Variants in DYNC2H1 observed in about 807,000 individuals in gnomAD.
DYNC2H1 encodes the protein cytoplasmic dynein 2 heavy chain 1.
DYNC2H1 carries 410 observed loss-of-function variants against 570.0 expected under a neutral mutation model. That is an observed-to-expected ratio of 0.72 (90% CI 0.66 to 0.78). DYNC2H1 has a LOEUF of 0.78. DYNC2H1 is among the 30% of genes least tolerant of loss of function. The probability of loss-of-function intolerance (pLI) is 0.00; values close to 1 mark genes in which losing one functional copy is unlikely to be tolerated. For synonymous variants in DYNC2H1, 1,688 were observed against 1,677.6 expected, an observed-to-expected ratio of 1.01 and a Z score of -0.15; for missense variants, 4,865 against 5,046.4, an observed-to-expected ratio of 0.96 and a Z score of 1.09.
chr11:103,287,102 A>G (rs1269491427), intron 74 of DYNC2H1, among the ~76,000 whole-genome samples: 1 of 152,158 alleles, frequency 6.6e-6, no homozygotes, highest in Non-Finnish European at 1.5e-5. Flanking sequence ...TGATTGCACC[A>G]CTGCACTCCA....
rs1938361202 is a variant in DYNC2H1, at chr11:103,324,311, C to T, written c.12039+321C>T. 6.6e-6 allele frequency among the ~76,000 whole-genome samples: 1 copy of T among 151,884 alleles called. No homozygotes were observed. Among genetic ancestry groups the T allele is most frequent in the Admixed American group, 6.6e-5 (1 of 15,232 alleles). ...GTGCCCAACAGGTAATTTTTCGATC[C>T]TCCCTCTCCTCTCACCCTCCACCCT... On this transcript the variant is annotated intron_variant, in intron 82 of 88. Transcript: ENST00000375735. This position sits in a 1 kb window ranked among gnomAD's most constrained non-coding sequence, Gnocchi z 5.2.
intron 32 of DYNC2H1, 122 bp from the exon 33 acceptor site, chr11:103,169,986 T>G (rs1861503154): frequency 2.2e-6 from 2 of 906,842 alleles, no homozygotes; most frequent in Non-Finnish European, 3.1e-6. Flanking sequence ...TATTTTTCTG[T>G]GTTAAAAACT....
intron 28 of DYNC2H1, among the ~76,000 whole-genome samples, chr11:103,160,575 G>A (rs1347307570): frequency 6.6e-6 from 1 of 151,998 alleles, no homozygotes; most frequent in Non-Finnish European, 1.5e-5. Flanking sequence ...TTGGTACGTA[G>A]TAGTTGATTA....
intron 18 of DYNC2H1, 72 bp from the exon 19 acceptor site, chr11:103,147,700 T>C (rs1591315656): frequency 2.3e-6 from 2 of 860,730 alleles, no homozygotes; most frequent in East Asian, 5.2e-5. Flanking sequence ...GAAATCATTA[T>C]AATATTATAT....
At chr11:103,364,615 A>G (rs1209268942) in intron 83 of DYNC2H1, among the ~76,000 whole-genome samples, 1 of 131,552 alleles carries the variant, frequency 7.6e-6, no homozygotes, top group Non-Finnish European at 1.6e-5. Context: ...TTTTTTTTTT[A>G]AGCAGGTAGT....
intron 50 of DYNC2H1, among the ~76,000 whole-genome samples, chr11:103,200,394 T>G (rs568349650): frequency 1.6e-4 from 24 of 152,262 alleles, no homozygotes; most frequent in African/African-American, 4.8e-4. Context: ...TCAGAAAAAT[T>G]GACTTTTACA....
Position 103,412,318 on chromosome 11 carries a change from T to C in DYNC2H1, c.12366+12446T>C, listed in dbSNP as rs1943120502. ...TAATGACTTTTATTTCTTTGATAAC[T>C]TATGATGATCTGCTAAAACTTTTTT... On this transcript the variant is annotated intron_variant, in intron 84 of 88. Transcript: ENST00000375735. Among the ~76,000 whole-genome samples the C allele has an allele frequency of 1.3e-5, 2 of 152,132 alleles. 1 individual carries two copies. The highest frequency in any genetic ancestry group is 4.1e-4 in the South Asian group (2 of 4,836).
rs374445890 is a variant in DYNC2H1, at chr11:103,438,406, G to A, written c.12456+2374G>A. The stretch of plus-strand genomic sequence containing the variant: ...GTAACTACCTATTTGGAAAACAAAG[G>A]ATGGGAAACTGGGTGGGCAGGGAAA... On this transcript the variant is annotated intron_variant, in intron 85 of 88. Coordinates refer to ENST00000375735, the MANE Select transcript of DYNC2H1 (RefSeq NM_001377.3). 1.1e-4 allele frequency among the ~76,000 whole-genome samples: 17 copies of A among 152,176 alleles called. No individual in the cohort carries two copies. The South Asian group carries it at 3.5e-3, about 32-fold the overall frequency.
At position 103,291,296 on chromosome 11, in the gene DYNC2H1, G is replaced by A. The variant is rs888340905; in HGVS notation, c.11095+3691G>A. 3.3e-5 allele frequency among the ~76,000 whole-genome samples: 5 copies of A among 152,116 alleles called. No individual in the cohort carries two copies. The Middle Eastern group carries it at 0.01, about 310-fold the overall frequency. ...CTACTAAAAATACAAAAATTATCTG[G>A]GTGTGGTGGCAGGCACCTGTAATCC... is the stretch of plus-strand genomic sequence containing the variant. On this transcript the variant is annotated intron_variant, in intron 75 of 88. Transcript: ENST00000375735.
intron 65 of DYNC2H1, among the ~76,000 whole-genome samples, chr11:103,251,857 T>C (rs111872781): frequency 0.027 from 4,178 of 152,298 alleles, 87 homozygotes; most frequent in Non-Finnish European, 0.048. Flanking sequence ...TACTTTTTTA[T>C]GACCGAACAT....
chr11:103,220,408 T>G (rs906725950), intron 56 of DYNC2H1, among the ~76,000 whole-genome samples: 2 of 152,152 alleles, frequency 1.3e-5, no homozygotes, highest in Admixed American at 6.5e-5. Context: ...TTTTCCAAAT[T>G]AGGTTATTGC....
intron 84 of DYNC2H1, among the ~76,000 whole-genome samples, chr11:103,413,732 G>A (rs766997077): frequency 5.3e-5 from 8 of 152,060 alleles, no homozygotes; most frequent in Non-Finnish European, 7.4e-5. Flanking sequence ...GCTTTACTTA[G>A]CAACATTTTA....
At chr11:103,194,369 G>A (rs1045303826) in intron 47 of DYNC2H1, among the ~76,000 whole-genome samples, 1 of 152,104 alleles carries the variant, frequency 6.6e-6, no homozygotes, top group African/African-American at 2.4e-5. Flanking sequence ...GAATGAAGCT[G>A]CTATGAATAC....
intron 69 of DYNC2H1, among the ~76,000 whole-genome samples, 182 bp from the exon 70 acceptor site, chr11:103,259,706 A>G (rs1323531440): frequency 2.6e-5 from 4 of 152,186 alleles, no homozygotes; most frequent in African/African-American, 9.7e-5. Flanking sequence ...TACATTAAAG[A>G]AAGATGCGTC....
intron 83 of DYNC2H1, among the ~76,000 whole-genome samples, chr11:103,385,144 T>C (rs1365568150): frequency 6.6e-6 from 1 of 152,106 alleles, no homozygotes; most frequent in African/African-American, 2.4e-5. Context: ...AATTGTGTTC[T>C]TTTTCTCTTT....
At chr11:103,322,694 A>G (rs1938275556) in intron 81 of DYNC2H1, among the ~76,000 whole-genome samples, 1 of 152,196 alleles carries the variant, frequency 6.6e-6, no homozygotes, top group Non-Finnish European at 1.5e-5. Context: ...ACAAGATTTC[A>G]TAGCTATTTT....
chr11:103,317,563 A>T (rs1230804172), intron 80 of DYNC2H1, among the ~76,000 whole-genome samples: 1 of 152,208 alleles, frequency 6.6e-6, no homozygotes, highest in Non-Finnish European at 1.5e-5. Flanking sequence ...TAGAAATGCA[A>T]ACCAAAGCAT....
intron 84 of DYNC2H1, among the ~76,000 whole-genome samples, chr11:103,432,470 T>C (rs577970753): frequency 1.2e-4 from 19 of 152,284 alleles, no homozygotes; most frequent in African/African-American, 4.6e-4. Flanking sequence ...GCAAAACTTC[T>C]TGAACCACCA....
rs149758274 is a variant in DYNC2H1, at chr11:103,188,136, G to T, written c.7141-361G>T. On this transcript the variant is annotated intron_variant, in intron 43 of 88. Transcript: ENST00000375735. ...CCAATTTTAGGCTTATTATGTAACT[G>T]CAGAATATGATAAAATATTTACAGA... Among the ~76,000 whole-genome samples the T allele has an allele frequency of 1.5e-3, 231 of 151,900 alleles. 2 individuals carry two copies. The highest frequency in any genetic ancestry group is 5.4e-3 in the African/African-American group (224 of 41,446).
Sources: allele counts gnomAD v4.1 joint callset (sites outside exome capture counted in the v4.1 genomes callset), GRCh38; gene constraint gnomAD v4.1.1; non-coding constraint Gnocchi (gnomAD v3.1); transcripts MANE v1.5; gene names NCBI Gene and HGNC (gene_info 2026-07-23, HGNC 2026-07-21).